CNGB3: variants seen among roughly 807,000 people sequenced by gnomAD.
CNGB3 encodes the protein cyclic nucleotide gated channel subunit beta 3.
In CNGB3, 86 loss-of-function variants were observed where a neutral mutation model predicts 92.8. That is an observed-to-expected ratio of 0.93 (90% confidence interval 0.78 to 1.11). The LOEUF is 1.11. Ranked by LOEUF, CNGB3 falls within the 50% of genes least tolerant of loss-of-function variation. CNGB3 has a pLI of 0.00. For missense variants in CNGB3, 1,026 were observed against 956.8 expected, an observed-to-expected ratio of 1.07 and a Z score of -0.95; for synonymous variants, 333 against 332.7, an observed-to-expected ratio of 1.00 and a Z score of -0.01.
At chr8:86,636,013 TAAAC>T (rs137858708) in intron 10 of CNGB3, among the ~76,000 whole-genome samples, 7,678 of 151,536 alleles carry the variant, frequency 0.051, 251 homozygotes, top group Non-Finnish European at 0.081. Context: ...TGAAACATTT[TAAAC>T]AAACAGAAAA....
intron 3 of CNGB3, among the ~76,000 whole-genome samples, chr8:86,693,902 C>A (rs189506255): frequency 0.047 from 7,193 of 152,254 alleles, 227 homozygotes; most frequent in Non-Finnish European, 0.071. Context: ...ACCCTTCCCC[C>A]CCTCTCCATT....
At chr8:86,733,691 T>C (rs1372170) in intron 2 of CNGB3, among the ~76,000 whole-genome samples, 98,047 of 152,000 alleles carry the variant, frequency 0.65, 32,881 homozygotes, top group African/African-American at 0.83. Flanking sequence ...TCGTACACGG[T>C]AAAGTCTTTA....
chr8:86,698,146 G>T (rs2131644652), intron 3 of CNGB3, among the ~76,000 whole-genome samples: 1 of 152,268 alleles, frequency 6.6e-6, no homozygotes, highest in South Asian at 2.1e-4. Flanking sequence ...GTGACCGATA[G>T]TTTCCAGATT....
chr8:86,649,438 G>C (rs368670923), intron 7 of CNGB3, among the ~76,000 whole-genome samples: 1 of 151,404 alleles, frequency 6.6e-6, no homozygotes, highest in African/African-American at 2.4e-5. Flanking sequence ...CATGGTACTG[G>C]TATAAAAGTA....
chr8:86,715,034 C>G (rs315972), intron 3 of CNGB3, among the ~76,000 whole-genome samples: 1 of 151,938 alleles, frequency 6.6e-6, no homozygotes, highest in Admixed American at 6.6e-5. Flanking sequence ...CGCCTACCCC[C>G]ACCTGGTGGT....
At chr8:86,682,723 A>C (rs1489586443) in intron 3 of CNGB3, among the ~76,000 whole-genome samples, 1 of 152,218 alleles carries the variant, frequency 6.6e-6, no homozygotes, top group Non-Finnish European at 1.5e-5. Context: ...AGGGAAACCA[A>C]GAACGTCCGA....
At chr8:86,695,163 G>A (rs966240778) in intron 3 of CNGB3, among the ~76,000 whole-genome samples, 16 of 30,300 alleles carry the variant, frequency 5.3e-4, no homozygotes, top group East Asian at 0.17. Context: ...CAGGCGTGGC[G>A]GTGGCGCCTG....
intron 15 of CNGB3, among the ~76,000 whole-genome samples, chr8:86,586,992 G>A (rs1212391771): frequency 6.8e-6 from 1 of 146,624 alleles, no homozygotes; most frequent in Non-Finnish European, 1.5e-5. Context: ...ATCCTCTCCA[G>A]CACCTGTTGT....
In CNGB3 at chr8:86,639,988, G is replaced by T. The variant is rs895718761; in HGVS notation, c.1178+3763C>A. ...TGGGCCTAGAAAATGATCACTTTTA[G>T]TAGTTTTTCTGTGAGTGATTAAGAA... On this transcript the variant is annotated intron_variant, in intron 10 of 17. Transcript: ENST00000320005. 3.3e-5 allele frequency among the ~76,000 whole-genome samples: 5 copies of T among 152,030 alleles called. No individual in the cohort carries two copies. In the South Asian group the frequency reaches 1.0e-3, roughly 31 times the overall value.
intron 3 of CNGB3, among the ~76,000 whole-genome samples, chr8:86,685,347 T>C (rs1824165994): frequency 6.6e-6 from 1 of 152,068 alleles, no homozygotes; most frequent in South Asian, 2.1e-4. Flanking sequence ...TGAGCACTTG[T>C]CTGGGCCCCT....
At chr8:86,616,806 A>G (rs1256008009) in intron 13 of CNGB3, among the ~76,000 whole-genome samples, 1 of 152,216 alleles carries the variant, frequency 6.6e-6, no homozygotes, top group Non-Finnish European at 1.5e-5. Flanking sequence ...TAAGAACTGG[A>G]GTCCCAGGAA....
At chr8:86,694,310 C>T (rs35005154) in intron 3 of CNGB3, among the ~76,000 whole-genome samples, 36 of 146,444 alleles carry the variant, frequency 2.5e-4, no homozygotes, top group African/African-American at 7.0e-4. Context: ...CGGGCTGAGG[C>T]GCCCCTCACC....
chr8:86,635,861 T>TACATAC (rs1554611016), intron 10 of CNGB3, among the ~76,000 whole-genome samples: 12 of 66,248 alleles, frequency 1.8e-4, no homozygotes, highest in Non-Finnish European at 2.9e-4. Context: ...TATATATATA[T>TACATAC]ATACACATAC....
chr8:86,742,398 G>C (rs10104596), intron 1 of CNGB3, among the ~76,000 whole-genome samples: 1 of 151,936 alleles, frequency 6.6e-6, no homozygotes, highest in Non-Finnish European at 1.5e-5. Context: ...TACTAACACA[G>C]TCCTCCTCAT....
chr8:86,716,360 A>G (rs926176892), intron 3 of CNGB3, among the ~76,000 whole-genome samples: 27 of 152,236 alleles, frequency 1.8e-4, no homozygotes, highest in African/African-American at 6.5e-4. Flanking sequence ...TCCAAATACA[A>G]GAAGCTCAAA....
At chr8:86,639,241 A>G (rs1327458691) in intron 10 of CNGB3, among the ~76,000 whole-genome samples, 1 of 152,046 alleles carries the variant, frequency 6.6e-6, no homozygotes, top group Non-Finnish European at 1.5e-5. Context: ...TTATGTCAGA[A>G]AATACATAAA....
At chr8:86,716,377 C>T (rs1275568456) in intron 3 of CNGB3, among the ~76,000 whole-genome samples, 1 of 152,142 alleles carries the variant, frequency 6.6e-6, no homozygotes, top group African/African-American at 2.4e-5. Flanking sequence ...CAAAGAACAC[C>T]TGGGAAATTC....
At chr8:86,586,940 T>C (rs1821907794) in intron 15 of CNGB3, among the ~76,000 whole-genome samples, 3 of 137,706 alleles carry the variant, frequency 2.2e-5, no homozygotes, top group African/African-American at 9.2e-5. Context: ...TGAACTAGTT[T>C]ACAGTCCCAC....
In CNGB3 at chr8:86,726,425, T is replaced by C. The variant is rs1047707606; in HGVS notation, c.338+106A>G. 12 of 1,491,228 alleles carry C rather than the reference T, an allele frequency of 8.0e-6. No homozygotes were observed. The African/African-American group carries it at 1.7e-4, about 21-fold the overall frequency. The allele number at this position is 1,491,228 out of a possible 1,614,324, so 92.4% of individuals were successfully genotyped here. Reference sequence around the variant, plus strand: ...TTTTGTGTTATGTGACTATTGAATTTTTTCTGCCCTTATATTCAGCTAAAG... The same window carrying C: ...TTTTGTGTTATGTGACTATTGAATTCTTTCTGCCCTTATATTCAGCTAAAG... On this transcript the variant is annotated intron_variant, in intron 3 of 17. Coordinates refer to ENST00000320005, the MANE Select transcript of CNGB3 (RefSeq NM_019098.5).
Sources: allele counts gnomAD v4.1 joint callset (sites outside exome capture counted in the v4.1 genomes callset), GRCh38; gene constraint gnomAD v4.1.1; transcripts MANE v1.5; gene names NCBI Gene and HGNC (gene_info 2026-07-23, HGNC 2026-07-21).